Variants in TOLLIP observed in about 807,000 individuals in gnomAD.
The protein encoded by TOLLIP is toll-interacting protein.
Under a neutral mutation model 33.5 loss-of-function variants are expected in TOLLIP, and 16 were observed. The ratio of observed to expected loss-of-function variants is 0.48; its 90% CI spans 0.32 to 0.72. The LOEUF (loss-of-function observed/expected upper bound fraction) is 0.72. Among genes scored for constraint, TOLLIP ranks in the 30% least tolerant of loss-of-function variants. The pLI is 0.03. For missense variants in TOLLIP, 325 were observed against 396.6 expected (o/e 0.82, Z 1.53); for synonymous variants, 176 against 163.7 (o/e 1.07, Z -0.57).
At chr11:1,291,620 C>T (rs1012649941) in intron 2 of TOLLIP, among the ~76,000 whole-genome samples, 9 of 151,344 alleles carry the variant, frequency 5.9e-5, no homozygotes, top group South Asian at 2.1e-4. Context: ...AGGGCACCGC[C>T]GCCCTGTTCT....
rs1262812182 is a variant in TOLLIP at position 1,292,008 on chromosome 11, T to C, written c.184-1599A>G. 3.3e-5 allele frequency: 5 copies of C among 152,502 alleles called. No individual in the cohort carries two copies. The East Asian group carries it at 9.6e-4, about 29-fold the overall frequency. The allele number at this position is 152,502 out of a possible 1,614,324, so 9.4% of individuals were successfully genotyped here. ...CTCCTTTCACTTCTAATCAAAGCTG[T>C]GGCCGGTCCTTTTAGGTCAAAACTG... On this transcript the variant is annotated intron_variant, in intron 2 of 5. Coordinates refer to ENST00000317204, the MANE Select transcript of TOLLIP (RefSeq NM_019009.4).
At chr11:1,297,602 G>C (rs574971772) in intron 1 of TOLLIP, among the ~76,000 whole-genome samples, 29 of 152,352 alleles carry the variant, frequency 1.9e-4, no homozygotes, top group African/African-American at 6.3e-4. Flanking sequence ...TTTTTGACTG[G>C]GACACGTCAC....
chr11:1,307,282 C>T (rs546168163), intron 1 of TOLLIP, among the ~76,000 whole-genome samples: 3 of 152,354 alleles, frequency 2.0e-5, no homozygotes, highest in African/African-American at 7.2e-5. Flanking sequence ...CCCTGAAATA[C>T]CTGCTCGTCT....
intron 1 of TOLLIP, among the ~76,000 whole-genome samples, chr11:1,307,186 C>A (rs1222976023): frequency 2.6e-5 from 4 of 152,206 alleles, no homozygotes; most frequent in African/African-American, 4.8e-5. Flanking sequence ...CTGAGACCCC[C>A]GTCGCTGACA....
rs571017606 is a variant in TOLLIP, at chr11:1,280,972, C to T, written c.611-3719G>A. On this transcript the variant is annotated intron_variant, in intron 5 of 5. Transcript: ENST00000317204. ...AACGCACGGGAAATTGAGCAGTTGGCTGCTGTTGCCAGCCTGGCGGAGAGT... is the reference window on the plus strand; with the variant it reads ...AACGCACGGGAAATTGAGCAGTTGGTTGCTGTTGCCAGCCTGGCGGAGAGT... Among the ~76,000 whole-genome samples the T allele has an allele frequency of 2.0e-5, 3 of 152,366 alleles. No individual in the cohort carries two copies. The East Asian group carries it at 5.8e-4, about 29-fold the overall frequency.
In TOLLIP at chr11:1,277,003, A is replaced by G. The variant is rs1194859656; in HGVS notation, c.*36T>C. On this transcript the variant is annotated 3_prime_UTR_variant, in exon 6 of 6. Transcript: ENST00000317204. The surrounding 1 kb of genome is among the most constrained non-coding windows in gnomAD (Gnocchi z 4.2). ...TGGGGAGCGCCGGGTCGGCGTGTCC[A>G]AAGAGCGGGGGCAAAACGGCATCGA... 3 of 1,602,916 alleles carry G rather than the reference A, an allele frequency of 1.9e-6. No individual in the cohort carries two copies. Among genetic ancestry groups the G allele is most frequent in the Non-Finnish European group, 1.7e-6 (2 of 1,171,690 alleles).
chr11:1,306,417 G>T (rs921121047), intron 1 of TOLLIP, among the ~76,000 whole-genome samples: 2 of 152,068 alleles, frequency 1.3e-5, no homozygotes, highest in African/African-American at 4.8e-5. Context: ...GCAACGGCTA[G>T]ACCACAGTCA....
chr11:1,301,748 T>C (rs1469929805), intron 1 of TOLLIP, among the ~76,000 whole-genome samples: 1 of 152,132 alleles, frequency 6.6e-6, no homozygotes, highest in African/African-American at 2.4e-5. Context: ...GTTCCTAACA[T>C]GGCCATGATT....
rs1393015601 is a variant in TOLLIP at position 1,290,026 on chromosome 11, A to G, written c.366+201T>C. 5.1e-6 allele frequency: 3 copies of G among 586,036 alleles called. No individual in the cohort carries two copies. Among genetic ancestry groups the G allele is most frequent in the Non-Finnish European group, 9.1e-6 (3 of 330,534 alleles). 36.3% of individuals were successfully genotyped at this position (586,036 alleles called of 1,614,324 possible). Reference sequence around the variant, plus strand: ...GTCACTGGGGATGTTTCCAAATGTAAGTATGTTCAAGGAGCTGGAAACAAT... The same window carrying G: ...GTCACTGGGGATGTTTCCAAATGTAGGTATGTTCAAGGAGCTGGAAACAAT... On this transcript the variant is annotated intron_variant, in intron 3 of 5. Transcript: ENST00000317204. The surrounding 1 kb of genome is among the most constrained non-coding windows in gnomAD (Gnocchi z 4.9).
intron 5 of TOLLIP, among the ~76,000 whole-genome samples, chr11:1,280,663 T>TG (rs1863466457): frequency 6.6e-6 from 1 of 151,956 alleles, no homozygotes; most frequent in South Asian, 2.1e-4. Context: ...CGGGCCAGGC[T>TG]GGGGAGGCGC....
chr11:1,305,320 C>A (rs1254990418), intron 1 of TOLLIP, among the ~76,000 whole-genome samples: 1 of 152,240 alleles, frequency 6.6e-6, no homozygotes, highest in Non-Finnish European at 1.5e-5. Flanking sequence ...AACGGACGCC[C>A]TCCCAGGAGC....
At chr11:1,285,306 C>G (rs925191987) in intron 5 of TOLLIP, among the ~76,000 whole-genome samples, 2 of 152,248 alleles carry the variant, frequency 1.3e-5, no homozygotes, top group African/African-American at 4.8e-5. Context: ...AGCAGGAGAA[C>G]CAGGGTGACC....
intron 5 of TOLLIP, among the ~76,000 whole-genome samples, chr11:1,285,362 G>A (rs186053820): frequency 2.0e-4 from 31 of 152,374 alleles, no homozygotes; most frequent in South Asian, 1.2e-3. Flanking sequence ...CGGTCTCCCC[G>A]CCTGCTAAAG....
chr11:1,289,327 G>A (rs2133902661), intron 3 of TOLLIP, among the ~76,000 whole-genome samples: 1 of 152,330 alleles, frequency 6.6e-6, no homozygotes, highest in South Asian at 2.1e-4. Flanking sequence ...GCCGTCTGCT[G>A]GCCTGGCTGC....
chr11:1,286,842 G>A (rs1183063124), intron 4 of TOLLIP, among the ~76,000 whole-genome samples: 25 of 150,554 alleles, frequency 1.7e-4, no homozygotes, highest in African/African-American at 4.2e-4. Context: ...TGTCGTCTCT[G>A]AGTTTAGTTC....
At chr11:1,280,087 G>A (rs1863443984) in intron 5 of TOLLIP, among the ~76,000 whole-genome samples, 1 of 152,272 alleles carries the variant, frequency 6.6e-6, no homozygotes, top group Admixed American at 6.5e-5. Context: ...AAACACAACA[G>A]CAGAGAGTTC....
chr11:1,282,634 A>G, intron 5 of TOLLIP, among the ~76,000 whole-genome samples: 1 of 141,108 alleles, frequency 7.1e-6, no homozygotes, highest in East Asian at 2.0e-4. Context: ...ATTAAGATAA[A>G]TAAATAAATA....
chr11:1,309,567 C>A lies in TOLLIP; in HGVS notation c.-69G>T. The A allele has an allele frequency of 2.2e-6, 2 of 918,992 alleles. No individual in the cohort carries two copies. The highest frequency in any genetic ancestry group is 3.2e-5 in the South Asian group (1 of 31,134). The allele number at this position is 918,992 out of a possible 1,614,324, so 56.9% of individuals were successfully genotyped here. ...CGCCGGGCGACCTCCTGCGCCCCCG[C>A]CGGAGCCTGCGACGGAGACAGTTGT... On this transcript the variant is annotated 5_prime_UTR_variant, in exon 1 of 6. Transcript: ENST00000317204.
At chr11:1,289,736 T>C (rs112070965) in intron 3 of TOLLIP, among the ~76,000 whole-genome samples, 4 of 149,138 alleles carry the variant, frequency 2.7e-5, no homozygotes, top group African/African-American at 1.0e-4. Context: ...GGCAAGACCC[T>C]GTGCGCCCAG....
Sources: allele counts gnomAD v4.1 joint callset (sites outside exome capture counted in the v4.1 genomes callset), GRCh38; gene constraint gnomAD v4.1.1; non-coding constraint Gnocchi (gnomAD v3.1); transcripts MANE v1.5; gene names NCBI Gene and HGNC (gene_info 2026-07-23, HGNC 2026-07-21).